The following CALN1 variants were observed in gnomAD, a reference collection of about 807,000 sequenced individuals.
The protein encoded by CALN1 is calcium-binding protein 8.
A neutral mutation model predicts 30.6 loss-of-function variants in CALN1; 17 were observed. The observed-to-expected ratio is 0.56, with a 90% CI of 0.38 to 0.83. The LOEUF (loss-of-function observed/expected upper bound fraction) is 0.83. Ranked by LOEUF, CALN1 falls within the 40% of genes least tolerant of loss-of-function variation. The probability of loss-of-function intolerance (pLI) is 0.00; values close to 1 mark genes in which losing one functional copy is unlikely to be tolerated. For missense variants in CALN1, 291 were observed against 354.9 expected, an observed-to-expected ratio of 0.82 and a Z score of 1.45; for synonymous variants, 156 against 131.4, an observed-to-expected ratio of 1.19 and a Z score of -1.28.
At chr7:72,044,296 A>G (rs1374973239) in intron 4 of CALN1, among the ~76,000 whole-genome samples, 2 of 152,076 alleles carry the variant, frequency 1.3e-5, no homozygotes, top group Admixed American at 6.6e-5. Flanking sequence ...ATTTCTGGTC[A>G]TGTTTCTCAT....
In CALN1 at chr7:72,381,246, A is replaced by T. The variant is rs971781774; in HGVS notation, c.119+22005T>A. Among the ~76,000 whole-genome samples, 5 of 152,252 alleles carry T rather than the reference A, an allele frequency of 3.3e-5. No individual in the cohort carries two copies. The South Asian group carries it at 1.0e-3, about 32-fold the overall frequency. On this transcript the variant is annotated intron_variant, in intron 2 of 6. Coordinates refer to ENST00000395275, the MANE Select transcript of CALN1 (RefSeq NM_031468.4). ...CTTTTACACTGTTGGTGAGAGTGTA[A>T]ATTAGTTCAACCATTATGGAAGACA...
intron 3 of CALN1, among the ~76,000 whole-genome samples, chr7:72,259,098 T>A (rs906733940): frequency 1.4e-5 from 2 of 147,654 alleles, no homozygotes; most frequent in South Asian, 2.1e-4. Flanking sequence ...AATATATTAT[T>A]TATATATATA....
At chr7:72,118,688 GAGA>G (rs1808167261) in intron 3 of CALN1, among the ~76,000 whole-genome samples, 1 of 95,088 alleles carries the variant, frequency 1.1e-5, no homozygotes, top group African/African-American at 3.9e-5. Flanking sequence ...ATGAGTGGAT[GAGA>G]TTTAAATATG....
intron 3 of CALN1, among the ~76,000 whole-genome samples, chr7:72,205,494 C>T (rs1287441616): frequency 2.1e-5 from 3 of 143,430 alleles, no homozygotes; most frequent in Non-Finnish European, 4.5e-5. Context: ...TGAGCCACCA[C>T]ACCCAGCCTT....
intron 3 of CALN1, among the ~76,000 whole-genome samples, chr7:72,128,669 G>C (rs531219623): frequency 2.0e-4 from 31 of 152,192 alleles, no homozygotes; most frequent in Middle Eastern, 3.4e-3. Context: ...TCAGGAGTTC[G>C]AGACCAGCCT....
intron 5 of CALN1, among the ~76,000 whole-genome samples, chr7:71,883,212 A>C (rs1421904050): frequency 6.6e-6 from 1 of 152,140 alleles, no homozygotes; most frequent in African/African-American, 2.4e-5. Context: ...TTGTGTCATC[A>C]GTATCCAGAA....
chr7:72,410,878 C>T (rs1169400415), intron 1 of CALN1, among the ~76,000 whole-genome samples: 1 of 152,140 alleles, frequency 6.6e-6, no homozygotes, highest in African/African-American at 2.4e-5. Context: ...TTTACTATCT[C>T]TGCTACTATT....
chr7:72,271,575 A>AAAAAAAAATATATATAT lies in CALN1; in HGVS notation c.244+7110_244+7111insATATATATATTTTTTTT. 1.7e-4 allele frequency among the ~76,000 whole-genome samples: 9 copies of AAAAAAAAATATATATAT among 52,116 alleles called. 1 individual carries two copies. Among genetic ancestry groups the AAAAAAAAATATATATAT allele is most frequent in the African/African-American group, 9.4e-4 (7 of 7,444 alleles). 34.2% of individuals were successfully genotyped at this position (52,116 alleles called of 152,430 possible). ...CTGTGCCTGCCTTTTAAAAAAAAAAAATATATATATATATATATAGTTTTC... is the reference window on the plus strand; with the variant it reads ...CTGTGCCTGCCTTTTAAAAAAAAAAAAAAAAAAATATATATATATATATATATATATATATAGTTTTC... On this transcript the variant is annotated intron_variant, in intron 3 of 6. Transcript: ENST00000395275.
At chr7:72,064,603 A>G (rs1017613141) in intron 4 of CALN1, among the ~76,000 whole-genome samples, 2 of 152,248 alleles carry the variant, frequency 1.3e-5, no homozygotes, top group African/African-American at 4.8e-5. Context: ...TATTATTTTA[A>G]CATAGACAGG....
At chr7:72,178,074 T>TGA (rs1485225202) in intron 3 of CALN1, among the ~76,000 whole-genome samples, 1 of 152,154 alleles carries the variant, frequency 6.6e-6, no homozygotes, top group African/African-American at 2.4e-5. Flanking sequence ...ATGAGGAAGG[T>TGA]GTGTTTGCAT....
chr7:72,404,943 CG>C (rs1228081827), intron 1 of CALN1, among the ~76,000 whole-genome samples: 1 of 152,166 alleles, frequency 6.6e-6, no homozygotes, highest in Non-Finnish European at 1.5e-5. Context: ...GAATGAATGA[CG>C]GACAGACACA....
chr7:72,214,237 T>C (rs1325285745), intron 3 of CALN1, among the ~76,000 whole-genome samples: 1 of 152,210 alleles, frequency 6.6e-6, no homozygotes, highest in South Asian at 2.1e-4. Context: ...CCCAGCACTT[T>C]GGGAGGCCTA....
intron 4 of CALN1, chr7:72,103,108 G>A (rs1228132879): frequency 2.0e-5 from 3 of 149,218 alleles, no homozygotes; most frequent in African/African-American, 7.4e-5. Flanking sequence ...GGAAGTGCAA[G>A]GTTTCTTTTT....
intron 3 of CALN1, among the ~76,000 whole-genome samples, chr7:72,247,565 A>G (rs987985084): frequency 4.6e-5 from 7 of 151,898 alleles, no homozygotes; most frequent in South Asian, 4.2e-4. Context: ...TCAACAGGCC[A>G]TTTTCTTATT....
At chr7:72,411,887 CTCTT>C (rs1807185680) in intron 1 of CALN1, among the ~76,000 whole-genome samples, 167 bp downstream of exon 1, 2 of 150,594 alleles carry the variant, frequency 1.3e-5, no homozygotes, top group African/African-American at 5.0e-5. Flanking sequence ...TGAAGCAACT[CTCTT>C]TTAGAGAGGT....
intron 2 of CALN1, among the ~76,000 whole-genome samples, chr7:72,382,679 T>C (rs1357417216): frequency 1.3e-5 from 2 of 152,146 alleles, no homozygotes; most frequent in Admixed American, 1.3e-4. Context: ...ATGTACCCAA[T>C]GTTTAGCTCC....
At chr7:71,834,430 G>A (rs1294980417) in intron 5 of CALN1, among the ~76,000 whole-genome samples, 2 of 149,718 alleles carry the variant, frequency 1.3e-5, no homozygotes, top group East Asian at 2.0e-4. Context: ...AAAGAAATAC[G>A]TATATAGAAG....
At chr7:71,956,160 G>T (rs749254381) in intron 5 of CALN1, among the ~76,000 whole-genome samples, 4 of 152,050 alleles carry the variant, frequency 2.6e-5, no homozygotes, top group Non-Finnish European at 5.9e-5. Context: ...GCTAATTTTT[G>T]TATTTTTAGT....
intron 4 of CALN1, among the ~76,000 whole-genome samples, chr7:72,088,631 G>A (rs763074119): frequency 2.7e-5 from 4 of 150,716 alleles, no homozygotes; most frequent in Non-Finnish European, 5.9e-5. Context: ...CCCAGGAGGT[G>A]GAGTTTGCAG....
Sources: allele counts gnomAD v4.1 joint callset (sites outside exome capture counted in the v4.1 genomes callset), GRCh38; gene constraint gnomAD v4.1.1; transcripts MANE v1.5; gene names NCBI Gene and HGNC (gene_info 2026-07-23, HGNC 2026-07-21).